Variants in ADK observed in about 807,000 individuals in gnomAD.
The protein encoded by ADK is adenosine kinase.
Under a neutral mutation model 44.7 loss-of-function variants are expected in ADK, and 24 were observed. That is an observed-to-expected ratio of 0.54 (90% CI 0.39 to 0.76). The LOEUF (loss-of-function observed/expected upper bound fraction) is 0.76, where lower values mean the gene tolerates loss of function less well. ADK is among the 30% of genes least tolerant of loss of function. The pLI, the probability that ADK is intolerant of heterozygous loss-of-function variation, is 0.00. For missense variants in ADK, 321 were observed against 425.1 expected, an observed-to-expected ratio of 0.76 and a Z score of 2.15; for synonymous variants, 128 against 142.6, an observed-to-expected ratio of 0.90 and a Z score of 0.73.
At chr10:74,228,192 A>G (rs909018024) in intron 3 of ADK, among the ~76,000 whole-genome samples, 8 of 152,198 alleles carry the variant, frequency 5.3e-5, no homozygotes, top group African/African-American at 1.7e-4. Flanking sequence ...TGTCTGAGGA[A>G]GATTGGCATG....
intron 8 of ADK, among the ~76,000 whole-genome samples, chr10:74,599,287 T>G (rs369565821): frequency 1.3e-5 from 2 of 152,304 alleles, no homozygotes; most frequent in East Asian, 3.9e-4. Flanking sequence ...AAATATTGAG[T>G]GAACAAACAA....
chr10:74,392,532 G>T (rs749455858), intron 4 of ADK, among the ~76,000 whole-genome samples: 2 of 152,066 alleles, frequency 1.3e-5, no homozygotes, highest in Non-Finnish European at 2.9e-5. Context: ...TCATTTAGAA[G>T]TTTGTTATAT....
At position 74,316,519 on chromosome 10, in the gene ADK, A is replaced by C. The variant is rs146774952; in HGVS notation, c.273+1774A>C. Among the ~76,000 whole-genome samples, 28 of 152,304 alleles carry C rather than the reference A, an allele frequency of 1.8e-4. 1 individual carries two copies. The East Asian group carries it at 5.2e-3, about 28-fold the overall frequency. On this transcript the variant is annotated intron_variant, in intron 4 of 10. Coordinates refer to ENST00000539909, the MANE Select transcript of ADK (RefSeq NM_006721.4). ...TCTCACAAGATCTGATGGCTTTATA[A>C]GGGGCTCTTACCCCTTTGCTCGGCA...
At position 74,394,027 on chromosome 10, in the gene ADK, A is replaced by G. The variant is rs1015303407; in HGVS notation, c.274-114A>G. On this transcript the variant is annotated intron_variant, in intron 4 of 10. Coordinates refer to ENST00000539909, the MANE Select transcript of ADK (RefSeq NM_006721.4). ...AGCACAGAATTGAAATCCCATTCAT[A>G]ACAGCTACAGTTTCTCACAAAGCAT... 9.3e-6 allele frequency: 10 copies of G among 1,081,076 alleles called. No homozygotes were observed. In the African/African-American group the frequency reaches 1.2e-4, roughly 13 times the overall value. The allele number at this position is 1,081,076 out of a possible 1,614,324, so 67.0% of individuals were successfully genotyped here. A position where few individuals can be genotyped will look rare whatever the true frequency, so the allele number is the denominator to read the frequency against.
intron 10 of ADK, among the ~76,000 whole-genome samples, chr10:74,679,887 G>A (rs931514678): frequency 1.2e-4 from 19 of 152,108 alleles, no homozygotes; most frequent in Admixed American, 4.6e-4. Context: ...GAACCCAGGA[G>A]GCGGAGGTTG....
At chr10:74,359,569 G>T (rs1348340107) in intron 4 of ADK, among the ~76,000 whole-genome samples, 1 of 152,026 alleles carries the variant, frequency 6.6e-6, no homozygotes. Flanking sequence ...AATTAGCTAG[G>T]CATGGTAGCA....
chr10:74,681,440 C>G (rs1332938767), intron 10 of ADK, among the ~76,000 whole-genome samples: 1 of 152,004 alleles, frequency 6.6e-6, no homozygotes, highest in East Asian at 1.9e-4. Context: ...AAGTAAGGCC[C>G]AAAGAAAGGT....
chr10:74,303,374 A>C (rs753428360), intron 3 of ADK, among the ~76,000 whole-genome samples: 57 of 152,046 alleles, frequency 3.7e-4, no homozygotes, highest in Non-Finnish European at 7.4e-4. Context: ...TTTCTATTCA[A>C]TAGGATTAAA....
At chr10:74,680,229 G>T (rs1855553892) in intron 10 of ADK, among the ~76,000 whole-genome samples, 1 of 150,698 alleles carries the variant, frequency 6.6e-6, no homozygotes, top group Admixed American at 6.6e-5. Flanking sequence ...GCAGGAGAAT[G>T]GCGTGAACCT....
intron 9 of ADK, among the ~76,000 whole-genome samples, chr10:74,601,010 C>T (rs1177495561): frequency 2.0e-5 from 3 of 151,484 alleles, no homozygotes; most frequent in Non-Finnish European, 4.4e-5. Context: ...ATGGAGCTAC[C>T]CACTATTAAA....
intron 7 of ADK, among the ~76,000 whole-genome samples, chr10:74,586,298 A>T (rs1182837131): frequency 1.3e-5 from 2 of 152,184 alleles, no homozygotes; most frequent in Non-Finnish European, 2.9e-5. Context: ...TTTAAGCCAC[A>T]GAACAACAAG....
chr10:74,258,259 T>C (rs1845900148), intron 3 of ADK, among the ~76,000 whole-genome samples: 1 of 152,220 alleles, frequency 6.6e-6, no homozygotes, highest in African/African-American at 2.4e-5. Context: ...TGACCACTAA[T>C]AGTGTAATTT....
chr10:74,287,053 C>G (rs11000959), intron 3 of ADK, among the ~76,000 whole-genome samples: 73,503 of 151,796 alleles, frequency 0.48, 20,211 homozygotes, highest in Non-Finnish European at 0.62. Flanking sequence ...TATGGTGACA[C>G]AAGTAGGAAT....
intron 1 of ADK, among the ~76,000 whole-genome samples, chr10:74,178,909 A>C (rs1365978212): frequency 6.6e-6 from 1 of 152,216 alleles, no homozygotes; most frequent in Non-Finnish European, 1.5e-5. Context: ...AAAATTAGGA[A>C]TTGAATCCAG....
intron 9 of ADK, among the ~76,000 whole-genome samples, chr10:74,636,688 A>G (rs1177099994): frequency 6.6e-6 from 1 of 152,224 alleles, no homozygotes; most frequent in Non-Finnish European, 1.5e-5. Context: ...TTGTTGTAAT[A>G]AGAACTATAA....
At chr10:74,325,309 A>G (rs537695465) in intron 4 of ADK, among the ~76,000 whole-genome samples, 6 of 152,284 alleles carry the variant, frequency 3.9e-5, no homozygotes, top group Non-Finnish European at 7.4e-5. Flanking sequence ...GTTGATATAT[A>G]GAAATGCTTT....
chr10:74,524,842 G>A (rs745588063), intron 6 of ADK, among the ~76,000 whole-genome samples: 42 of 152,230 alleles, frequency 2.8e-4, no homozygotes, highest in Non-Finnish European at 5.0e-4. Context: ...GGACCAGCCT[G>A]GGCAATATAG....
At chr10:74,172,688 T>A (rs1591804972) in intron 1 of ADK, among the ~76,000 whole-genome samples, 16 of 36,296 alleles carry the variant, frequency 4.4e-4, no homozygotes, top group East Asian at 7.6e-4. Flanking sequence ...AAACTCCATC[T>A]CAAAAAAAAA....
intron 6 of ADK, among the ~76,000 whole-genome samples, chr10:74,499,540 T>C (rs1847816829): frequency 6.6e-6 from 1 of 151,982 alleles, no homozygotes; most frequent in African/African-American, 2.4e-5. Context: ...TACAAAAAAT[T>C]AGCCAGGCGT....
Sources: gnomAD v4.1 joint callset for allele counts (sites outside exome capture counted in the v4.1 genomes callset) on GRCh38, gnomAD v4.1.1 for gene constraint, MANE v1.5 for transcripts, NCBI Gene and HGNC (gene_info 2026-07-23, HGNC 2026-07-21) for gene names.